ENPEP: variants seen among roughly 807,000 people sequenced by gnomAD.
The protein encoded by ENPEP is AP-A.
ENPEP carries 103 observed loss-of-function variants against 114.5 expected under a neutral mutation model. That is an observed-to-expected ratio of 0.90 (90% CI 0.77 to 1.06). The LOEUF is 1.06. Among genes scored for constraint, ENPEP ranks in the 50% least tolerant of loss-of-function variants. The probability of loss-of-function intolerance (pLI) is 0.00; values close to 1 mark genes in which losing one functional copy is unlikely to be tolerated. For synonymous variants in ENPEP, 420 were observed against 422.0 expected (o/e 1.00, Z 0.06); for missense variants, 1,196 against 1,161.3 (o/e 1.03, Z -0.43).
chr4:110,477,956 T>G (rs1259425138), intron 1 of ENPEP, among the ~76,000 whole-genome samples: 1 of 152,188 alleles, frequency 6.6e-6, no homozygotes, highest in East Asian at 1.9e-4. Context: ...TCCTTCACAC[T>G]GTGGATGTAG....
At chr4:110,528,677 T>C (rs184208399) in intron 10 of ENPEP, among the ~76,000 whole-genome samples, 65 of 152,304 alleles carry the variant, frequency 4.3e-4, no homozygotes, top group Non-Finnish European at 7.9e-4. Context: ...GATGTCTCTC[T>C]CAGGAAAGCA....
intron 6 of ENPEP, among the ~76,000 whole-genome samples, chr4:110,512,179 T>C (rs1277640581): frequency 6.6e-6 from 1 of 152,204 alleles, no homozygotes. Flanking sequence ...AAGGGTCAGA[T>C]AGATAAAGAT....
chr4:110,538,138 A>C (rs1171946765), intron 11 of ENPEP, among the ~76,000 whole-genome samples: 2 of 152,192 alleles, frequency 1.3e-5, no homozygotes, highest in African/African-American at 4.8e-5. Flanking sequence ...CCCTAATGAG[A>C]GAGTCAACCT....
intron 3 of ENPEP, among the ~76,000 whole-genome samples, chr4:110,491,718 CTT>C (rs970695793): frequency 0.14 from 8,821 of 64,768 alleles, 212 homozygotes; most frequent in Middle Eastern, 0.28. Context: ...TTCTTTCTTT[CTT>C]TTTTTTTTTT....
chr4:110,512,492 C>A (rs981038081), intron 6 of ENPEP: 23 of 152,130 alleles, frequency 1.5e-4, no homozygotes, highest in African/African-American at 5.6e-4. Flanking sequence ...GACAGCAGTA[C>A]CTTTCCTGTT....
chr4:110,542,906 T>G lies in ENPEP; in HGVS notation c.1944+19T>G. ...CCACAAGGTAAGAGATAGCAATGGT[T>G]GGAAACTTTTATTTTTGTTCTAAGA... On this transcript the variant is annotated intron_variant, in intron 12 of 19. Transcript: ENST00000265162. The G allele has an allele frequency of 6.2e-7, 1 of 1,610,842 alleles. No homozygotes were observed. The highest frequency in any genetic ancestry group is 8.5e-7 in the Non-Finnish European group (1 of 1,178,728).
intron 10 of ENPEP, among the ~76,000 whole-genome samples, chr4:110,523,737 A>G (rs1726092659): frequency 6.7e-6 from 1 of 149,992 alleles, no homozygotes; most frequent in South Asian, 2.1e-4. Context: ...ACTGACAAAA[A>G]AAGGACATGG....
intron 11 of ENPEP, among the ~76,000 whole-genome samples, 174 bp from the exon 12 acceptor site, chr4:110,542,577 T>C (rs1726889413): frequency 4.6e-5 from 7 of 152,138 alleles, no homozygotes. Flanking sequence ...AGTGGTATTC[T>C]AAAGTTAGAC....
Position 110,563,781 on chromosome 4 carries a change from G to A in ENPEP, c.*2223G>A, listed in dbSNP as rs986849161. Reference sequence around the variant, plus strand: ...CTAGGCAGCCCACTCCTGTATTCCAGATCATTGCTATGTACCCACATAATT... The same window carrying A: ...CTAGGCAGCCCACTCCTGTATTCCAAATCATTGCTATGTACCCACATAATT... On this transcript the variant is annotated 3_prime_UTR_variant, in exon 20 of 20. Transcript: ENST00000265162. 6.6e-6 allele frequency: 1 copy of A among 152,118 alleles called. No homozygotes were observed. Among genetic ancestry groups the A allele is most frequent in the East Asian group, 1.9e-4 (1 of 5,196 alleles). The allele number at this position is 152,118 out of a possible 1,614,324, so 9.4% of individuals were successfully genotyped here.
At chr4:110,492,789 A>G (rs947780838) in intron 3 of ENPEP, among the ~76,000 whole-genome samples, 1 of 152,198 alleles carries the variant, frequency 6.6e-6, no homozygotes, top group African/African-American at 2.4e-5. Context: ...AACATTAGTC[A>G]AGCTTGGTTT....
intron 18 of ENPEP, among the ~76,000 whole-genome samples, chr4:110,555,815 C>T (rs1415962084): frequency 6.6e-6 from 1 of 151,792 alleles, no homozygotes; most frequent in Non-Finnish European, 1.5e-5. Context: ...TCCAAGAAGA[C>T]AATATTTGTA....
intron 11 of ENPEP, among the ~76,000 whole-genome samples, chr4:110,541,149 T>C (rs1401537613): frequency 6.6e-6 from 1 of 152,188 alleles, no homozygotes; most frequent in African/African-American, 2.4e-5. Flanking sequence ...AGAGAAATTC[T>C]ACATGAGTGA....
intron 3 of ENPEP, among the ~76,000 whole-genome samples, chr4:110,497,673 C>T (rs529883227): frequency 6.6e-6 from 1 of 152,158 alleles, no homozygotes; most frequent in South Asian, 2.1e-4. Flanking sequence ...GACTCAGAGT[C>T]CGAACATGTT....
chr4:110,563,538 C>G lies in ENPEP; in HGVS notation c.*1980C>G, dbSNP rs547368793. 2.0e-5 allele frequency: 3 copies of G among 152,254 alleles called. No individual in the cohort carries two copies. The highest frequency in any genetic ancestry group is 4.4e-5 in the Non-Finnish European group (3 of 68,002). The allele number at this position is 152,254 out of a possible 1,614,324, so 9.4% of individuals were successfully genotyped here. A position where few individuals can be genotyped will look rare whatever the true frequency, so the allele number is the denominator to read the frequency against. On this transcript the variant is annotated 3_prime_UTR_variant, in exon 20 of 20. Coordinates refer to ENST00000265162, the MANE Select transcript of ENPEP (RefSeq NM_001977.4). ...AAAGGCTGATGCCTAATAGATAGAT[C>G]TATGCCAAGCACAGTTTATTACTTT...
At position 110,483,173 on chromosome 4, in the gene ENPEP, C is replaced by G. The variant is rs138434124; in HGVS notation, c.645-5368C>G. On this transcript the variant is annotated intron_variant, in intron 1 of 19. Coordinates refer to ENST00000265162, the MANE Select transcript of ENPEP (RefSeq NM_001977.4). The stretch of plus-strand genomic sequence containing the variant: ...AAAATTGGAAAATAAAGTTAAATAA[C>G]TAACTGGTTCATTCAAACCACCATA... 7.3e-3 allele frequency among the ~76,000 whole-genome samples: 1,106 copies of G among 152,114 alleles called. 13 individuals carry two copies. The highest frequency in any genetic ancestry group is 0.025 in the African/African-American group (1,055 of 41,484).
At chr4:110,479,018 TTTATTGAAGGAAACTCAGAA>T (rs1724214581) in intron 1 of ENPEP, among the ~76,000 whole-genome samples, 1 of 152,174 alleles carries the variant, frequency 6.6e-6, no homozygotes. Flanking sequence ...ATAATACACG[TTTATTGAAGGAAACTCAGAA>T]AACAGAGAAA....
rs777386469 is a variant in ENPEP, at chr4:110,491,034, A to T, written c.788A>T (p.Lys263Ile). ...AAGTTTATCTTTTCTTTTCAATAGA[A>T]AGAAGAGTCAGTGGATGATAAATGG... ...YGALSNMPVA[K>I]EESVDDKWTR... Residue 263 changes from lysine to isoleucine, a missense_variant and splice_region_variant, in exon 3 of 20, where the codon AAA (lysine) becomes ATA (isoleucine). By Grantham distance (102) the Lys-to-Ile change is moderately radical (BLOSUM62 -3). Coordinates refer to ENST00000265162, the MANE Select transcript of ENPEP (RefSeq NM_001977.4). 6.2e-7 allele frequency: 1 copy of T among 1,604,214 alleles called. No homozygotes were observed. The highest frequency in any genetic ancestry group is 1.8e-5 in the Admixed American group (1 of 57,066).
At chr4:110,523,996 T>C (rs1219758359) in intron 10 of ENPEP, among the ~76,000 whole-genome samples, 1 of 152,142 alleles carries the variant, frequency 6.6e-6, no homozygotes, top group Non-Finnish European at 1.5e-5. Context: ...AAGACTAAAA[T>C]TTATGAAGCA....
rs1010040731 is a variant in ENPEP at position 110,548,225 on chromosome 4, A to G, written c.2050A>G (p.Lys684Glu). 1.9e-5 allele frequency: 31 copies of G among 1,598,950 alleles called. No individual in the cohort carries two copies. The highest frequency in any genetic ancestry group is 2.6e-5 in the Non-Finnish European group (30 of 1,173,514). The change falls in exon 14 of 20, where the codon AAA becomes GAA. Residue 684 changes from lysine (K) to glutamate (E), a missense_variant. Transcript: ENST00000265162. The part of the protein sequence containing the change: ...KVALNLTKYL[K>E]REENFLPWQR... ...GGCTTTGAACTTGACCAAGTATCTC[A>G]AAAGGGAAGAGAATTTTTTACCATG... is the stretch of plus-strand genomic sequence containing the variant.
Sources: gnomAD v4.1 joint callset for allele counts (sites outside exome capture counted in the v4.1 genomes callset) on GRCh38, gnomAD v4.1.1 for gene constraint, MANE v1.5 for transcripts, NCBI Gene and HGNC (gene_info 2026-07-23, HGNC 2026-07-21) for gene names.